The following SH3BGRL variants were observed in gnomAD, a reference collection of about 807,000 sequenced individuals.
The protein encoded by SH3BGRL is adapter SH3BGRL.
In SH3BGRL, 7 loss-of-function variants were observed where a neutral mutation model predicts 9.8. The ratio of observed to expected loss-of-function variants is 0.72; its 90% CI spans 0.41 to 1.35. The LOEUF (loss-of-function observed/expected upper bound fraction) is 1.35. SH3BGRL is among the 40% of genes most tolerant of loss of function. The pLI is 0.01. For synonymous variants in SH3BGRL, 36 were observed against 29.1 expected, an observed-to-expected ratio of 1.24 and a Z score of -0.76; for missense variants, 73 against 84.4, an observed-to-expected ratio of 0.86 and a Z score of 0.53.
chrX:81,243,436 A>C (rs958597807), intron 1 of SH3BGRL, among the ~76,000 whole-genome samples: 2 of 112,054 alleles, frequency 1.8e-5, no homozygotes, highest in African/African-American at 6.5e-5. Flanking sequence ...TATTGGGTAC[A>C]AAAAAGTTGG....
At chrX:81,248,331 G>A (rs187147444) in intron 1 of SH3BGRL, among the ~76,000 whole-genome samples, 6 of 112,129 alleles carry the variant, frequency 5.4e-5, no homozygotes, top group African/African-American at 1.3e-4. Context: ...GTATATACTC[G>A]ATTTTTGTTT....
chrX:81,260,610 A>G (rs2075738351), intron 1 of SH3BGRL, among the ~76,000 whole-genome samples: 1 of 111,035 alleles, frequency 9.0e-6, no homozygotes, highest in South Asian at 3.8e-4. Flanking sequence ...CCCAGCCCTA[A>G]TATACCCACT....
At chrX:81,233,444 A>G (rs951698376) in intron 1 of SH3BGRL, among the ~76,000 whole-genome samples, 1 of 111,574 alleles carries the variant, frequency 9.0e-6, no homozygotes, top group Non-Finnish European at 1.9e-5. Context: ...GTGTGCCTAA[A>G]ATATGTTTAG....
chrX:81,284,703 C>T (rs527411744), intron 3 of SH3BGRL, among the ~76,000 whole-genome samples: 13 of 110,645 alleles, frequency 1.2e-4, no homozygotes, highest in Non-Finnish European at 1.7e-4. Flanking sequence ...AAAACTTATC[C>T]GCAAGGAGTG....
intron 1 of SH3BGRL, among the ~76,000 whole-genome samples, chrX:81,244,119 A>G (rs190746241): frequency 2.7e-5 from 3 of 111,557 alleles, no homozygotes; most frequent in African/African-American, 9.8e-5. Context: ...TTCTTTCTTG[A>G]CTGCTAAAAT....
In SH3BGRL at chrX:81,208,792, G is replaced by T. The variant is rs2075554991; in HGVS notation, c.45+6547G>T. ...CCTTTTACACTTGGGCAGCAGAGAAGAATTTTAAGCAAGGAGATTTTTTTC... is the reference window on the plus strand; with the variant it reads ...CCTTTTACACTTGGGCAGCAGAGAATAATTTTAAGCAAGGAGATTTTTTTC... On this transcript the variant is annotated intron_variant, in intron 1 of 3. Transcript: ENST00000373212. Among the ~76,000 whole-genome samples, 4 of 111,524 alleles carry T rather than the reference G, an allele frequency of 3.6e-5. No homozygotes were observed. The South Asian group carries it at 1.5e-3, about 41-fold the overall frequency.
chrX:81,209,335 AG>A (rs751782130), intron 1 of SH3BGRL, among the ~76,000 whole-genome samples: 2 of 111,914 alleles, frequency 1.8e-5, no homozygotes, highest in South Asian at 7.5e-4. Flanking sequence ...GTAATAGTAA[AG>A]ACAACACTTA....
chrX:81,284,403 C>CA lies in SH3BGRL; in HGVS notation c.312+6005dup, dbSNP rs773439659. The stretch of plus-strand genomic sequence containing the variant: ...GATGGATTTAGGAGCCTCCCCCCAC[C>CA]AAAAAAAAAAAAAGTTACAGGATTT... On this transcript the variant is annotated intron_variant, in intron 3 of 3. Coordinates refer to ENST00000373212, the MANE Select transcript of SH3BGRL (RefSeq NM_003022.3). Among the ~76,000 whole-genome samples the CA allele has an allele frequency of 7.5e-3, 741 of 99,030 alleles. 6 individuals carry two copies. Among genetic ancestry groups the CA allele is most frequent in the African/African-American group, 0.022 (603 of 27,480 alleles). 86.0% of individuals were successfully genotyped at this position (99,030 alleles called of 115,157 possible). A position where few individuals can be genotyped will look rare whatever the true frequency, so the allele number is the denominator to read the frequency against.
intron 1 of SH3BGRL, among the ~76,000 whole-genome samples, chrX:81,220,155 C>A (rs904908955): frequency 1.8e-5 from 2 of 110,955 alleles, no homozygotes; most frequent in Admixed American, 1.9e-4. Context: ...GAAGTATTTC[C>A]TCCTTCTTTT....
intron 1 of SH3BGRL, among the ~76,000 whole-genome samples, chrX:81,247,931 CT>C (rs1167138476): frequency 9.9e-4 from 97 of 97,869 alleles, no homozygotes; most frequent in Middle Eastern, 0.011. Flanking sequence ...TGGTCCAGGG[CT>C]TTTTTTTTGG....
chrX:81,262,425 A>G (rs1285012998), intron 1 of SH3BGRL, among the ~76,000 whole-genome samples: 1 of 111,723 alleles, frequency 9.0e-6, no homozygotes, highest in Non-Finnish European at 1.9e-5. Context: ...TCAGAAAAGC[A>G]TAACACAAAC....
chrX:81,206,973 T>C (rs183156664), intron 1 of SH3BGRL, among the ~76,000 whole-genome samples: 87 of 112,744 alleles, frequency 7.7e-4, no homozygotes, highest in African/African-American at 2.8e-3. Context: ...GACACAGGTA[T>C]ATGCCACGTT....
intron 1 of SH3BGRL, among the ~76,000 whole-genome samples, chrX:81,221,530 C>T (rs2075600139): frequency 9.0e-6 from 1 of 111,712 alleles, no homozygotes; most frequent in Admixed American, 9.5e-5. Context: ...TTTTGCTCCA[C>T]CTTTCCCCTT....
At chrX:81,292,058 C>A (rs2075859599) in intron 3 of SH3BGRL, among the ~76,000 whole-genome samples, 1 of 110,853 alleles carries the variant, frequency 9.0e-6, no homozygotes, top group South Asian at 3.8e-4. Flanking sequence ...ATCTACCATT[C>A]TTCCTGGAGG....
chrX:81,236,191 T>C (rs761830795), intron 1 of SH3BGRL, among the ~76,000 whole-genome samples: 1 of 111,896 alleles, frequency 8.9e-6, no homozygotes, highest in African/African-American at 3.2e-5. Context: ...ATCGTGTCCA[T>C]ATCTAATTTA....
intron 1 of SH3BGRL, among the ~76,000 whole-genome samples, chrX:81,209,928 C>T (rs190308125): frequency 9.8e-5 from 11 of 111,698 alleles, no homozygotes; most frequent in Non-Finnish European, 2.1e-4. Context: ...ATGACTGATT[C>T]TCTTGCATGT....
intron 3 of SH3BGRL, among the ~76,000 whole-genome samples, chrX:81,291,691 C>A (rs369672771): frequency 3.6e-5 from 4 of 111,735 alleles, no homozygotes; most frequent in Non-Finnish European, 5.6e-5. Flanking sequence ...GAGGCAAGTC[C>A]ATTTTTCCTA....
At chrX:81,255,565 A>G (rs2075723410) in intron 1 of SH3BGRL, 1 of 111,995 alleles carries the variant, frequency 8.9e-6, no homozygotes, top group Non-Finnish European at 1.9e-5. Context: ...GAATTGGGGC[A>G]TTGTGTGCCA....
intron 1 of SH3BGRL, among the ~76,000 whole-genome samples, chrX:81,249,353 C>T (rs2075701848): frequency 1.8e-5 from 2 of 112,091 alleles, no homozygotes; most frequent in African/African-American, 6.5e-5. Context: ...CTTATAACTT[C>T]CACTTGACCC....
Sources: allele counts gnomAD v4.1 joint callset (sites outside exome capture counted in the v4.1 genomes callset), GRCh38; gene constraint gnomAD v4.1.1; transcripts MANE v1.5; gene names NCBI Gene and HGNC (gene_info 2026-07-23, HGNC 2026-07-21).